NETO1: variants seen among roughly 807,000 people sequenced by gnomAD.
NETO1 encodes the protein neuropilin and tolloid-like protein 1.
NETO1 carries 26 observed loss-of-function variants against 61.3 expected under a neutral mutation model. That is an observed-to-expected ratio of 0.42 (90% CI 0.31 to 0.59). The LOEUF is 0.59. NETO1 is among the 20% of genes least tolerant of loss of function. NETO1 has a pLI of 0.12. For missense variants in NETO1, 531 were observed against 662.8 expected, an observed-to-expected ratio of 0.80 and a Z score of 2.18; for synonymous variants, 225 against 225.8, an observed-to-expected ratio of 1.00 and a Z score of 0.03.
Position 72,835,418 on chromosome 18 carries a change from G to A in NETO1, c.469+23408C>T, listed in dbSNP as rs1419993780. ...CTTTAACAGCTGTTTGGGTAATACA[G>A]GAGGAGCAAATCCAAAGTAGGAATA... On this transcript the variant is annotated intron_variant, in intron 4 of 10. Transcript: ENST00000327305. The A allele has an allele frequency of 1.1e-5, 10 of 927,324 alleles. No individual in the cohort carries two copies. The South Asian group carries it at 1.4e-4, about 13-fold the overall frequency. The allele number at this position is 927,324 out of a possible 1,614,324, so 57.4% of individuals were successfully genotyped here. A position where few individuals can be genotyped will look rare whatever the true frequency, so the allele number is the denominator to read the frequency against.
intron 4 of NETO1, among the ~76,000 whole-genome samples, chr18:72,844,811 TAGAG>T (rs769061825): frequency 1.3e-4 from 20 of 152,042 alleles, no homozygotes; most frequent in Admixed American, 2.0e-4. Flanking sequence ...GGTGTCCATA[TAGAG>T]AAAGAATGTT....
At chr18:72,765,699 G>A (rs2071131279) in intron 7 of NETO1, among the ~76,000 whole-genome samples, 1 of 152,060 alleles carries the variant, frequency 6.6e-6, no homozygotes. Flanking sequence ...TTACAGGCGT[G>A]AGCCACAGTG....
chr18:72,820,837 C>T (rs1318254616), intron 4 of NETO1, among the ~76,000 whole-genome samples: 1 of 152,084 alleles, frequency 6.6e-6, no homozygotes, highest in African/African-American at 2.4e-5. Flanking sequence ...GGTCTTGAGT[C>T]GGGTGATTTT....
intron 4 of NETO1, among the ~76,000 whole-genome samples, chr18:72,809,022 A>C (rs1272433778): frequency 6.6e-6 from 1 of 152,252 alleles, no homozygotes; most frequent in Non-Finnish European, 1.5e-5. Context: ...GAAAAGAGGT[A>C]AAGTTATCAT....
intron 4 of NETO1, among the ~76,000 whole-genome samples, chr18:72,857,584 T>C (rs527741576): frequency 1.2e-4 from 19 of 152,338 alleles, no homozygotes; most frequent in African/African-American, 3.8e-4. Flanking sequence ...ACAGGTTATA[T>C]TCAAAATTAT....
chr18:72,765,031 A>T (rs759333040), intron 7 of NETO1, among the ~76,000 whole-genome samples: 3 of 152,172 alleles, frequency 2.0e-5, no homozygotes, highest in Non-Finnish European at 2.9e-5. Context: ...TGGCCATCTG[A>T]AAGTATAAAT....
intron 7 of NETO1, among the ~76,000 whole-genome samples, chr18:72,766,415 C>T (rs1308134108): frequency 1.3e-5 from 2 of 151,706 alleles, no homozygotes; most frequent in Non-Finnish European, 2.9e-5. Flanking sequence ...TTAAAATGGC[C>T]CATAGGCTAT....
intron 7 of NETO1, among the ~76,000 whole-genome samples, chr18:72,777,717 T>G (rs2071604672): frequency 6.6e-6 from 1 of 152,204 alleles, no homozygotes; most frequent in Admixed American, 6.5e-5. Flanking sequence ...CACTCCAGCC[T>G]GGGGGACAGA....
At chr18:72,813,506 A>G (rs997540499) in intron 4 of NETO1, among the ~76,000 whole-genome samples, 1 of 152,244 alleles carries the variant, frequency 6.6e-6, no homozygotes, top group African/African-American at 2.4e-5. Context: ...TAGAACTACC[A>G]TGCACAGACC....
intron 7 of NETO1, among the ~76,000 whole-genome samples, chr18:72,760,148 G>T (rs1023403211): frequency 7.2e-5 from 11 of 152,126 alleles, no homozygotes; most frequent in African/African-American, 2.7e-4. Flanking sequence ...CAGATCTAAC[G>T]ACCCAAAGAA....
intron 4 of NETO1, among the ~76,000 whole-genome samples, chr18:72,844,856 G>A (rs934767000): frequency 7.9e-5 from 12 of 152,230 alleles, no homozygotes; most frequent in Admixed American, 5.2e-4. Flanking sequence ...AGGGTGTGAT[G>A]GAGCTGTGGC....
Position 72,780,184 on chromosome 18 carries a change from T to C in NETO1, c.868+3494A>G, listed in dbSNP as rs115396098. Among the ~76,000 whole-genome samples the C allele has an allele frequency of 9.4e-3, 1,437 of 152,268 alleles. 32 individuals carry two copies. The highest frequency in any genetic ancestry group is 0.033 in the African/African-American group (1,355 of 41,538). On this transcript the variant is annotated intron_variant, in intron 7 of 10. Coordinates refer to ENST00000327305, the MANE Select transcript of NETO1 (RefSeq NM_138966.5). ...AGGATAAACCTGTTTCCGTGGAAACTTCCTGTAAATTTATGAGATGATCAC... is the reference window on the plus strand; with the variant it reads ...AGGATAAACCTGTTTCCGTGGAAACCTCCTGTAAATTTATGAGATGATCAC...
In NETO1 at chr18:72,765,836, A is replaced by T. The variant is rs1568181143; in HGVS notation, c.869-9689T>A. Among the ~76,000 whole-genome samples the T allele has an allele frequency of 2.6e-5, 4 of 152,240 alleles. No homozygotes were observed. In the South Asian group the frequency reaches 8.3e-4, roughly 31 times the overall value. On this transcript the variant is annotated intron_variant, in intron 7 of 10. Coordinates refer to ENST00000327305, the MANE Select transcript of NETO1 (RefSeq NM_138966.5). Reference sequence around the variant, plus strand: ...CTTTAAAAAATAAACTTGAAAGAAAATAAAACATTAGAGATATCAATTATG... The same window carrying T: ...CTTTAAAAAATAAACTTGAAAGAAATTAAAACATTAGAGATATCAATTATG...
At chr18:72,824,077 T>C (rs1194888659) in intron 4 of NETO1, among the ~76,000 whole-genome samples, 1 of 152,256 alleles carries the variant, frequency 6.6e-6, no homozygotes, top group Non-Finnish European at 1.5e-5. Context: ...TACAACTGCA[T>C]GTCTGTGTTG....
chr18:72,753,315 G>GTT (rs1050061641), intron 8 of NETO1, among the ~76,000 whole-genome samples: 1 of 150,990 alleles, frequency 6.6e-6, no homozygotes, highest in African/African-American at 2.4e-5. Flanking sequence ...TAACACCTGA[G>GTT]TTATCATCAG....
intron 4 of NETO1, among the ~76,000 whole-genome samples, chr18:72,802,841 C>G (rs1277576479): frequency 1.3e-5 from 2 of 152,160 alleles, no homozygotes; most frequent in Non-Finnish European, 2.9e-5. Context: ...CATGATGAAG[C>G]ATTAAAAACA....
At chr18:72,779,027 G>C (rs1323180182) in intron 7 of NETO1, among the ~76,000 whole-genome samples, 10 of 152,080 alleles carry the variant, frequency 6.6e-5, no homozygotes, top group Non-Finnish European at 1.5e-5. Context: ...TAACATTCAG[G>C]CACCAGCGCG....
intron 4 of NETO1, 96 bp from the exon 5 acceptor site, chr18:72,794,500 TTAAAAAACACATTAGGGAAAAG>T (rs1484800806): frequency 1.8e-5 from 21 of 1,190,808 alleles, no homozygotes; most frequent in East Asian, 2.3e-5. Context: ...GAAATCTACC[TTAAAAAACACATTAGGGAAAAG>T]TAAAAAACAC....
intron 6 of NETO1, among the ~76,000 whole-genome samples, chr18:72,791,799 C>A (rs2072128106): frequency 6.6e-6 from 1 of 152,046 alleles, no homozygotes; most frequent in Admixed American, 6.6e-5. Flanking sequence ...AAATAAATAG[C>A]CCTTGCATGT....
Sources: gnomAD v4.1 joint callset for allele counts (sites outside exome capture counted in the v4.1 genomes callset) on GRCh38, gnomAD v4.1.1 for gene constraint, MANE v1.5 for transcripts, NCBI Gene and HGNC (gene_info 2026-07-23, HGNC 2026-07-21) for gene names.